Variants in KCND3 observed in about 807,000 individuals in gnomAD.
KCND3 encodes the protein potassium voltage-gated channel subfamily D member 3.
In KCND3, 9 loss-of-function variants were observed where a neutral mutation model predicts 51.1. The observed-to-expected ratio is 0.18, with a 90% CI of 0.11 to 0.31. KCND3 has a LOEUF of 0.31. Ranked by LOEUF, KCND3 falls within the 10% of genes least tolerant of loss-of-function variation. The pLI is 1.00. For missense variants in KCND3, 526 were observed against 903.8 expected, an observed-to-expected ratio of 0.58 and a Z score of 5.36; for synonymous variants, 349 against 368.0, an observed-to-expected ratio of 0.95 and a Z score of 0.59.
At chr1:111,962,746 A>G (rs1673732410) in intron 2 of KCND3, among the ~76,000 whole-genome samples, 1 of 152,188 alleles carries the variant, frequency 6.6e-6, no homozygotes, top group African/African-American at 2.4e-5. Flanking sequence ...AACTCTTTTC[A>G]TCCCTTTGTA....
At chr1:111,946,621 T>C (rs1404925609) in intron 2 of KCND3, among the ~76,000 whole-genome samples, 1 of 152,232 alleles carries the variant, frequency 6.6e-6, no homozygotes, top group Admixed American at 6.5e-5. Flanking sequence ...TCTAACCTCA[T>C]TGGACTGAGA....
intron 2 of KCND3, among the ~76,000 whole-genome samples, chr1:111,949,165 A>T (rs2101902100): frequency 6.6e-6 from 1 of 152,330 alleles, no homozygotes; most frequent in African/African-American, 2.4e-5. Flanking sequence ...TTGTCTGGGA[A>T]TAGAAAGTAG....
intron 2 of KCND3, among the ~76,000 whole-genome samples, chr1:111,837,948 G>C (rs1211176850): frequency 6.6e-6 from 1 of 152,106 alleles, no homozygotes; most frequent in Non-Finnish European, 1.5e-5. Context: ...GGTGTTTTGG[G>C]GGGAGACCAC....
chr1:111,915,765 A>C (rs1421053959), intron 2 of KCND3, among the ~76,000 whole-genome samples: 1 of 150,732 alleles, frequency 6.6e-6, no homozygotes. Flanking sequence ...AAAAAAAAAA[A>C]CAAAAAAAAA....
At position 111,915,752 on chromosome 1, in the gene KCND3, C is replaced by CAAAA. The variant is rs35574221; in HGVS notation, c.1106+65865_1106+65868dup. ...TGGGTGACAAAGTGAGACTCTGTCT[C>CAAAA]AAAAAAAAAAAAACAAAAAAAAAAA... On this transcript the variant is annotated intron_variant, in intron 2 of 7. Transcript: ENST00000302127. Among the ~76,000 whole-genome samples, 338 of 66,994 alleles carry CAAAA rather than the reference C, an allele frequency of 5.0e-3. 9 individuals carry two copies. The highest frequency in any genetic ancestry group is 6.9e-3 in the Non-Finnish European group (249 of 36,078). The allele number at this position is 66,994 out of a possible 152,430, so 44.0% of individuals were successfully genotyped here. A position where few individuals can be genotyped will look rare whatever the true frequency, so the allele number is the denominator to read the frequency against.
chr1:111,888,586 GA>G (rs890773763), intron 2 of KCND3, among the ~76,000 whole-genome samples: 10 of 150,524 alleles, frequency 6.6e-5, no homozygotes, highest in African/African-American at 2.5e-4. Context: ...GGAGGCTGAG[GA>G]AGGAGAATCG....
At chr1:111,891,426 A>G (rs1280505858) in intron 2 of KCND3, among the ~76,000 whole-genome samples, 1 of 152,226 alleles carries the variant, frequency 6.6e-6, no homozygotes, top group Non-Finnish European at 1.5e-5. Context: ...TCCATCAGAG[A>G]GGAGACTTCA....
At chr1:111,886,096 G>A (rs1255412586) in intron 2 of KCND3, among the ~76,000 whole-genome samples, 1 of 152,212 alleles carries the variant, frequency 6.6e-6, no homozygotes, top group Non-Finnish European at 1.5e-5. Context: ...AATAAATCCT[G>A]TATTAGTTTA....
chr1:111,846,280 T>C (rs1432399717), intron 2 of KCND3, among the ~76,000 whole-genome samples: 1 of 152,238 alleles, frequency 6.6e-6, no homozygotes, highest in African/African-American at 2.4e-5. Flanking sequence ...ACACTCCGTG[T>C]TCTTTCACTT....
intron 2 of KCND3, among the ~76,000 whole-genome samples, chr1:111,837,557 A>T (rs1419105862): frequency 6.6e-6 from 1 of 152,160 alleles, no homozygotes; most frequent in Non-Finnish European, 1.5e-5. Context: ...CTGGATTTGG[A>T]CCAGGAAGTT....
intron 2 of KCND3, chr1:111,910,084 T>C (rs1670859165): frequency 6.6e-6 from 1 of 152,102 alleles, no homozygotes; most frequent in African/African-American, 2.4e-5. Flanking sequence ...CATAAGAAAC[T>C]CCCAAACTCT....
intron 2 of KCND3, among the ~76,000 whole-genome samples, chr1:111,893,744 G>T (rs1669965264): frequency 1.3e-5 from 2 of 152,160 alleles, no homozygotes; most frequent in African/African-American, 4.8e-5. Context: ...GAAGGGGTCA[G>T]GTTTGAGATG....
At chr1:111,972,168 CTTTTTTTT>C (rs56102317) in intron 2 of KCND3, among the ~76,000 whole-genome samples, 14 of 80,228 alleles carry the variant, frequency 1.7e-4, no homozygotes, top group Admixed American at 3.1e-4. Context: ...ATTTGTATAT[CTTTTTTTT>C]TTTTTTTTTT....
At chr1:111,787,189 G>T (rs1303859103) in intron 2 of KCND3, 83 bp from the exon 3 acceptor site, 1 of 1,380,904 alleles carries the variant, frequency 7.2e-7, no homozygotes, top group Non-Finnish European at 1.0e-6. Context: ...TCATTCACCT[G>T]TTTATTCATT....
In KCND3 at chr1:111,967,331, T is replaced by G. The variant is rs562630982; in HGVS notation, c.1106+14290A>C. ...GATGTGTGGGGCTTAAGTGTCCGTC[T>G]GAGCTCATCCTTTAAAAAGCCTCTT... On this transcript the variant is annotated intron_variant, in intron 2 of 7. Coordinates refer to ENST00000302127, the MANE Select transcript of KCND3 (RefSeq NM_001378969.1). Among the ~76,000 whole-genome samples, 3 of 152,246 alleles carry G rather than the reference T, an allele frequency of 2.0e-5. No homozygotes were observed. In the South Asian group the frequency reaches 6.2e-4, roughly 32 times the overall value.
chr1:111,840,000 G>T (rs1405357314), intron 2 of KCND3, among the ~76,000 whole-genome samples: 1 of 152,196 alleles, frequency 6.6e-6, no homozygotes, highest in African/African-American at 2.4e-5. Context: ...TCACAGTTCT[G>T]CAGCCTGGAA....
intron 2 of KCND3, among the ~76,000 whole-genome samples, chr1:111,821,896 G>A (rs1396650850): frequency 6.6e-6 from 1 of 152,122 alleles, no homozygotes; most frequent in Non-Finnish European, 1.5e-5. Context: ...CAGAAGATGC[G>A]GGGTTCATCT....
chr1:111,875,272 G>A (rs1669001960), intron 2 of KCND3, among the ~76,000 whole-genome samples: 1 of 152,118 alleles, frequency 6.6e-6, no homozygotes, highest in Non-Finnish European at 1.5e-5. Context: ...GTAGTTAGAG[G>A]GCTGTGTCAG....
chr1:111,842,551 C>G (rs956596894), intron 2 of KCND3, among the ~76,000 whole-genome samples: 1 of 152,142 alleles, frequency 6.6e-6, no homozygotes, highest in Non-Finnish European at 1.5e-5. Context: ...GCTGGGATGA[C>G]TAGTGAGCAG....
Sources: allele counts gnomAD v4.1 joint callset (sites outside exome capture counted in the v4.1 genomes callset), GRCh38; gene constraint gnomAD v4.1.1; transcripts MANE v1.5; gene names NCBI Gene and HGNC (gene_info 2026-07-23, HGNC 2026-07-21).